Variants in CREBZF observed in about 807,000 individuals in gnomAD.
CREBZF encodes the protein CREB/ATF bZIP transcription factor, also known as HCF-binding transcription factor Zhangfei.
In CREBZF, 8 loss-of-function variants were observed where a neutral mutation model predicts 21.1. The observed-to-expected ratio is 0.38, with a 90% CI of 0.22 to 0.68. CREBZF has a LOEUF of 0.68. CREBZF is among the 30% of genes least tolerant of loss of function. The pLI is 0.51. For missense variants in CREBZF, 518 were observed against 484.3 expected (o/e 1.07, Z -0.65); for synonymous variants, 270 against 223.3 (o/e 1.21, Z -1.86).
upstream of CREBZF, chr11:85,665,151 G>T: frequency 2.5e-6 from 1 of 395,958 alleles, no homozygotes; most frequent in Non-Finnish European, 4.6e-6. Context: ...CCCCAGTCCC[G>T]CCCACCGCGT....
chr11:85,676,968 G>GTTTTTTTTTTTTT (rs1565814476), intron 1 of CREBZF, among the ~76,000 whole-genome samples: 9 of 82,418 alleles, frequency 1.1e-4, no homozygotes, highest in Middle Eastern at 5.9e-3. Flanking sequence ...TTCTTTTTCT[G>GTTTTTTTTTTTTT]TCTTTTTTTT....
chr11:85,680,527 C>T lies in CREBZF; in HGVS notation n.147+2190G>A, dbSNP rs79464617. ...GGGAGTAAGGGTGTTGTGAGGGCAC[C>T]GTAGTCAGTTGAATGTGTAATGAAT... On this transcript the variant is annotated intron_variant and non_coding_transcript_variant, in intron 1 of 3. Coordinates refer to the CREBZF transcript ENST00000531515. Among the ~76,000 whole-genome samples, 890 of 152,184 alleles carry T rather than the reference C, an allele frequency of 5.8e-3. 55 individuals carry two copies. The East Asian group carries it at 0.13, about 22-fold the overall frequency.
chr11:85,668,793 G>A (rs538129502), upstream of CREBZF, among the ~76,000 whole-genome samples: 4 of 151,412 alleles, frequency 2.6e-5, no homozygotes, highest in South Asian at 8.4e-4. Context: ...ACGAGGTCAG[G>A]AGATCGAGAC....
At chr11:85,665,164 C>G (rs1457088276), upstream of CREBZF, 3 of 386,484 alleles carry the variant, frequency 7.8e-6, no homozygotes, top group East Asian at 3.9e-5. Context: ...CACCGCGTTT[C>G]GCGCGCCACC....
Position 85,658,097 on chromosome 11 carries a change from A to G in CREBZF, c.*5714T>C, listed in dbSNP as rs2082568057. ...TACCTATATTCTGTCACTTTTACTA[A>G]AAGCAGAGTTCTACTCATCCCAGTG... is the stretch of plus-strand genomic sequence containing the variant. On this transcript the variant is annotated 3_prime_UTR_variant, in exon 1 of 1. Coordinates refer to ENST00000527447, the MANE Select transcript of CREBZF (RefSeq NM_001039618.4). Among the ~76,000 whole-genome samples, 1 of 151,992 alleles carries G rather than the reference A, an allele frequency of 6.6e-6. No homozygotes were observed. The highest frequency in any genetic ancestry group is 6.6e-5 in the Admixed American group (1 of 15,256).
chr11:85,664,339 A>G lies in CREBZF; in HGVS notation c.537T>C (p.Ser179=). The change falls in exon 1 of 1, where the codon AGT becomes AGC. Residue 179 remains serine, a synonymous_variant. Coordinates refer to ENST00000527447, the MANE Select transcript of CREBZF (RefSeq NM_001039618.4). This position sits in a 1 kb window ranked among gnomAD's most constrained non-coding sequence, Gnocchi z 5.5. The stretch of plus-strand genomic sequence containing the variant: ...TTCTCCGCCTCTTTTCGGCGCTGCC[A>G]CTGTCACTGCTGCTGCTGCAGCCTC... ...GIGGCSSSSD[S]GSAEKRRRKS... 1 of 1,612,680 alleles carries G rather than the reference A, an allele frequency of 6.2e-7. No individual in the cohort carries two copies. The highest frequency in any genetic ancestry group is 8.5e-7 in the Non-Finnish European group (1 of 1,179,666).
chr11:85,682,469 A>G (rs1442972613), intron 1 of CREBZF, among the ~76,000 whole-genome samples: 1 of 152,164 alleles, frequency 6.6e-6, no homozygotes, highest in Non-Finnish European at 1.5e-5. Flanking sequence ...TAGGATCTCC[A>G]AAACGGCAAA....
chr11:85,666,652 G>T (rs290171), upstream of CREBZF, among the ~76,000 whole-genome samples: 60,197 of 152,098 alleles, frequency 0.4, 12,621 homozygotes, highest in African/African-American at 0.5. Flanking sequence ...AGAAAGCAAG[G>T]TCCAGGGAAG....
At chr11:85,667,405 A>C (rs1431360660), upstream of CREBZF, among the ~76,000 whole-genome samples, 1 of 152,186 alleles carries the variant, frequency 6.6e-6, no homozygotes, top group African/African-American at 2.4e-5. Context: ...TGGAAGGTTG[A>C]ATGTTTGTCA....
In CREBZF at chr11:85,663,790, TAA is replaced by T; in HGVS notation, c.*19_*20del. On this transcript the variant is annotated 3_prime_UTR_variant, in exon 1 of 1. Coordinates refer to ENST00000527447, the MANE Select transcript of CREBZF (RefSeq NM_001039618.4). ...GGGAGTTGAAAGGGGTAAACGCGGA[TAA>T]AGAGCAGATTACTTGACCCTACATT... The T allele has an allele frequency of 1.3e-6, 2 of 1,583,802 alleles. No homozygotes were observed. The highest frequency in any genetic ancestry group is 1.7e-6 in the Non-Finnish European group (2 of 1,167,238).
chr11:85,682,630 G>C, intron 1 of CREBZF: 6 of 185,848 alleles, frequency 3.2e-5, no homozygotes, highest in South Asian at 1.9e-4. Context: ...TCTTCCAGAC[G>C]CGCTCTTCCC....
intron 1 of CREBZF, among the ~76,000 whole-genome samples, chr11:85,678,943 G>C (rs747557504): frequency 6.6e-6 from 1 of 152,208 alleles, no homozygotes; most frequent in African/African-American, 2.4e-5. Flanking sequence ...GCATGGGAAT[G>C]GTGGTGGGGG....
chr11:85,681,721 T>C (rs1291067712), intron 1 of CREBZF, among the ~76,000 whole-genome samples: 1 of 152,248 alleles, frequency 6.6e-6, no homozygotes, highest in Non-Finnish European at 1.5e-5. Flanking sequence ...AACAGTGTTG[T>C]TGTTTAAATT....
chr11:85,664,070 G>A lies in CREBZF; in HGVS notation c.806C>T (p.Ala269Val). ...CAGTCCAGTCTCGTTGGCTAAGACT[G>A]CCCGTAGGTAGCGACTCTCCTCCTG... ...ALQEESRYLR[A>V]VLANETGLAR... Residue 269 changes from alanine to valine, a missense_variant, in exon 1 of 1, where the codon GCA (alanine) becomes GTA (valine). Transcript: ENST00000527447. This position sits in a 1 kb window ranked among gnomAD's most constrained non-coding sequence, Gnocchi z 5.5. The A allele has an allele frequency of 6.2e-7, 1 of 1,613,676 alleles. No homozygotes were observed. The highest frequency in any genetic ancestry group is 8.5e-7 in the Non-Finnish European group (1 of 1,180,024).
upstream of CREBZF, among the ~76,000 whole-genome samples, chr11:85,667,308 G>A (rs1487346567): frequency 6.6e-6 from 1 of 151,712 alleles, no homozygotes; most frequent in Admixed American, 6.6e-5. Context: ...CCTGGCCTCA[G>A]GTGATCTGCC....
In CREBZF at chr11:85,658,993, A is replaced by C. The variant is rs2082596534; in HGVS notation, c.*4818T>G. 6.6e-6 allele frequency among the ~76,000 whole-genome samples: 1 copy of C among 152,072 alleles called. No homozygotes were observed. Among genetic ancestry groups the C allele is most frequent in the African/African-American group, 2.4e-5 (1 of 41,454 alleles). On this transcript the variant is annotated 3_prime_UTR_variant, in exon 1 of 1. Coordinates refer to ENST00000527447, the MANE Select transcript of CREBZF (RefSeq NM_001039618.4). ...CTGGTGTTGAGAGTACTGAGGCTAC[A>C]CAGAGGTACTGAAATTCAAATCTGA...
chr11:85,679,463 A>G (rs2082962364), intron 1 of CREBZF, among the ~76,000 whole-genome samples: 1 of 152,254 alleles, frequency 6.6e-6, no homozygotes, highest in South Asian at 2.1e-4. Context: ...TGAGTTAGCA[A>G]TTAGGATCAG....
intron 1 of CREBZF, among the ~76,000 whole-genome samples, chr11:85,679,688 A>T (rs17810802): frequency 2.6e-5 from 4 of 152,204 alleles, no homozygotes; most frequent in Non-Finnish European, 4.4e-5. Flanking sequence ...AATCATTGGG[A>T]GGCATTCTTT....
chr11:85,666,921 C>T (rs1040034601), upstream of CREBZF, among the ~76,000 whole-genome samples: 2 of 152,196 alleles, frequency 1.3e-5, no homozygotes, highest in African/African-American at 4.8e-5. Context: ...GCACACAGTT[C>T]AAGGTGATAT....
Sources: gnomAD v4.1 joint callset for allele counts (sites outside exome capture counted in the v4.1 genomes callset) on GRCh38, gnomAD v4.1.1 for gene constraint, Gnocchi (gnomAD v3.1) non-coding constraint, MANE v1.5 for transcripts, NCBI Gene and HGNC (gene_info 2026-07-23, HGNC 2026-07-21) for gene names.